RGS13: variants seen among roughly 807,000 people sequenced by gnomAD.
RGS13 encodes the protein regulator of G-protein signalling 13.
In RGS13, 14 loss-of-function variants were observed where a neutral mutation model predicts 19.9. That is an observed-to-expected ratio of 0.70 (90% CI 0.46 to 1.10). The LOEUF is 1.10. Ranked by LOEUF, RGS13 falls within the 50% of genes least tolerant of loss-of-function variation. The probability of loss-of-function intolerance (pLI) is 0.00; values close to 1 mark genes in which losing one functional copy is unlikely to be tolerated. For synonymous variants in RGS13, 60 were observed against 56.8 expected (o/e 1.06, Z -0.25); for missense variants, 205 against 187.1 (o/e 1.10, Z -0.56).
At chr1:192,658,437 T>C (rs1663488106) in intron 6 of RGS13, 70 bp downstream of exon 6, 2 of 1,436,710 alleles carry the variant, frequency 1.4e-6, no homozygotes, top group Non-Finnish European at 1.9e-6. Flanking sequence ...CTGTCAAGCA[T>C]CCATAAGTGC....
Position 192,659,702 on chromosome 1 carries a change from T to C in RGS13, c.*179T>C. 1.8e-6 allele frequency: 1 copy of C among 556,626 alleles called. No homozygotes were observed. Among genetic ancestry groups the C allele is most frequent in the Non-Finnish European group, 3.2e-6 (1 of 317,412 alleles). 34.5% of individuals were successfully genotyped at this position (556,626 alleles called of 1,614,324 possible). ...AAAGCAATGGAATCTAGAATTCTTA[T>C]AACATGAATAACAAAATGTACAGCA... is the stretch of plus-strand genomic sequence containing the variant. On this transcript the variant is annotated 3_prime_UTR_variant, in exon 7 of 7. Coordinates refer to ENST00000391995, the MANE Select transcript of RGS13 (RefSeq NM_002927.5).
At chr1:192,638,613 G>C (rs1663053264) in intron 3 of RGS13, among the ~76,000 whole-genome samples, 1 of 152,018 alleles carries the variant, frequency 6.6e-6, no homozygotes, top group African/African-American at 2.4e-5. Flanking sequence ...AAGGCACCAG[G>C]CTCCAGGCAC....
chr1:192,659,164 A>G (rs963371387), intron 6 of RGS13, 174 bp from the exon 7 acceptor site: 15 of 456,224 alleles, frequency 3.3e-5, no homozygotes, highest in African/African-American at 2.8e-4. Flanking sequence ...ATTTACTTTT[A>G]AAAGAGCAAA....
chr1:192,637,252 C>T (rs759075088), intron 1 of RGS13, among the ~76,000 whole-genome samples: 20 of 151,644 alleles, frequency 1.3e-4, no homozygotes, highest in Non-Finnish European at 2.5e-4. Context: ...TAAAAGTACA[C>T]ACTAGTTTTA....
At chr1:192,639,328 C>T (rs12025181) in intron 3 of RGS13, among the ~76,000 whole-genome samples, 5,002 of 144,990 alleles carry the variant, frequency 0.034, 219 homozygotes, top group East Asian at 0.11. Flanking sequence ...TAACACTCAA[C>T]CATGCCTGAG....
chr1:192,656,570 A>G (rs1663447503), intron 5 of RGS13, among the ~76,000 whole-genome samples: 1 of 152,054 alleles, frequency 6.6e-6, no homozygotes, highest in South Asian at 2.1e-4. Context: ...GGATAGGAAT[A>G]TCTAATCTAT....
Position 192,642,702 on chromosome 1 carries a change from CAGCACA to C in RGS13, c.-4-1628_-4-1623del, listed in dbSNP as rs1358362058. Among the ~76,000 whole-genome samples the C allele has an allele frequency of 6.3e-4, 96 of 152,162 alleles. 1 individual carries two copies. The highest frequency in any genetic ancestry group is 3.7e-3 in the Admixed American group (56 of 15,266). On this transcript the variant is annotated intron_variant, in intron 3 of 6. Coordinates refer to ENST00000391995, the MANE Select transcript of RGS13 (RefSeq NM_002927.5). ...TTGCTCAAGTTGCCCCTCCTTCACT[CAGCACA>C]CTCGTGGATATCCTGCTGGTTCCAG...
chr1:192,641,253 G>GAAAGAAAGA (rs1558049229), intron 3 of RGS13, among the ~76,000 whole-genome samples: 1 of 78,892 alleles, frequency 1.3e-5, no homozygotes, highest in African/African-American at 5.6e-5. Context: ...AGAAAAGAAA[G>GAAAGAAAGA]AAAAGAAAGA....
At chr1:192,643,995 C>A (rs754327209) in intron 3 of RGS13, among the ~76,000 whole-genome samples, 1 of 151,884 alleles carries the variant, frequency 6.6e-6, no homozygotes, top group Admixed American at 6.6e-5. Flanking sequence ...AAAAGGGAAG[C>A]CTTGGGAGTT....
chr1:192,647,887 A>C lies in RGS13; in HGVS notation c.66-39A>C, dbSNP rs758771304. ...ACTTAGTTCAACAAAAACCTTGAGA[A>C]TATTTAGCCCAATCAGTGCTTTTTG... On this transcript the variant is annotated intron_variant, in intron 4 of 6. Coordinates refer to ENST00000391995, the MANE Select transcript of RGS13 (RefSeq NM_002927.5). The C allele has an allele frequency of 2.2e-6, 3 of 1,388,538 alleles. No individual in the cohort carries two copies. In the East Asian group the frequency reaches 7.4e-5, roughly 34 times the overall value. 86.0% of individuals were successfully genotyped at this position (1,388,538 alleles called of 1,614,324 possible).
At chr1:192,651,899 T>C (rs901876888) in intron 5 of RGS13, among the ~76,000 whole-genome samples, 3 of 152,080 alleles carry the variant, frequency 2.0e-5, no homozygotes, top group Non-Finnish European at 4.4e-5. Flanking sequence ...CATGATACTA[T>C]GGAAGGCTCA....
At chr1:192,654,680 A>G (rs1663404098) in intron 5 of RGS13, among the ~76,000 whole-genome samples, 1 of 152,082 alleles carries the variant, frequency 6.6e-6, no homozygotes, top group South Asian at 2.1e-4. Flanking sequence ...GCAGTCTTAC[A>G]GAAAAAATAA....
intron 6 of RGS13, 36 bp downstream of exon 6, chr1:192,658,403 T>G (rs765426725): frequency 1.5e-5 from 23 of 1,586,142 alleles, no homozygotes; most frequent in Non-Finnish European, 2.0e-5. Flanking sequence ...GGAAATCAGT[T>G]CATCCCTGCA....
chr1:192,648,688 G>T (rs530893660), intron 5 of RGS13, among the ~76,000 whole-genome samples: 1 of 151,996 alleles, frequency 6.6e-6, no homozygotes, highest in Non-Finnish European at 1.5e-5. Context: ...TTTAAATGGA[G>T]TTGGTTCCCC....
intron 6 of RGS13, 60 bp from the exon 7 acceptor site, chr1:192,659,278 A>C: frequency 7.9e-7 from 1 of 1,271,168 alleles, no homozygotes; most frequent in Non-Finnish European, 1.1e-6. Context: ...CCTTTCTACT[A>C]TATGTGCCTT....
Position 192,659,340 on chromosome 1 carries a change from TA to T in RGS13, c.299del (p.Asn100ThrfsTer28). The T allele has an allele frequency of 6.2e-7, 1 of 1,607,242 alleles. No individual in the cohort carries two copies. On this transcript the variant is annotated frameshift_variant, in exon 7 of 7. Transcript: ENST00000391995. LOFTEE classifies it high-confidence loss of function. The stretch of plus-strand genomic sequence containing the variant: ...GTACATGTAATTTCACTTTTCAGAT[TA>T]ACATTGACAGTTCGACAAGAGAGAC... ...YIQPQSPREI[N>X]IDSSTRETII...
intron 3 of RGS13, among the ~76,000 whole-genome samples, chr1:192,641,626 C>T (rs1663124486): frequency 6.6e-6 from 1 of 152,140 alleles, no homozygotes; most frequent in South Asian, 2.1e-4. Context: ...CCACTCTTTC[C>T]TTTTTGATAA....
At position 192,655,300 on chromosome 1, in the gene RGS13, G is replaced by A. The variant is rs555548677; in HGVS notation, c.128-2901G>A. ...TAGAATTATATCTGAAATATATAGC[G>A]AAATCCAGTTCAGCTTTCGCTAGTC... On this transcript the variant is annotated intron_variant, in intron 5 of 6. Coordinates refer to ENST00000391995, the MANE Select transcript of RGS13 (RefSeq NM_002927.5). Among the ~76,000 whole-genome samples the A allele has an allele frequency of 7.9e-5, 12 of 152,188 alleles. 1 individual carries two copies. The South Asian group carries it at 2.1e-3, about 26-fold the overall frequency.
chr1:192,642,045 C>A (rs1451339626), intron 3 of RGS13, among the ~76,000 whole-genome samples: 1 of 152,168 alleles, frequency 6.6e-6, no homozygotes, highest in Non-Finnish European at 1.5e-5. Context: ...TCTGGCCACA[C>A]TGCCATTCAT....
Sources: gnomAD v4.1 joint callset for allele counts (sites outside exome capture counted in the v4.1 genomes callset) on GRCh38, gnomAD v4.1.1 for gene constraint, MANE v1.5 for transcripts, NCBI Gene and HGNC (gene_info 2026-07-23, HGNC 2026-07-21) for gene names.